Variants in ARHGAP8 observed in about 807,000 individuals in gnomAD.
The protein encoded by ARHGAP8 is Rho GTPase activating protein 8.
A neutral mutation model predicts 46.1 loss-of-function variants in ARHGAP8; 62 were observed. The ratio of observed to expected loss-of-function variants is 1.34; its 90% CI spans 1.10 to 1.66. The LOEUF (loss-of-function observed/expected upper bound fraction) is 1.66. Among genes scored for constraint, ARHGAP8 ranks in the 40% most tolerant of loss-of-function variants. ARHGAP8 has a pLI of 0.00. For synonymous variants in ARHGAP8, 375 were observed against 243.1 expected (o/e 1.54, Z -5.05); for missense variants, 923 against 568.4 (o/e 1.62, Z -6.34).
Position 44,859,585 on chromosome 22 carries a change from GAAGAT to G in ARHGAP8, c.878-142_878-138del. On this transcript the variant is annotated intron_variant, in intron 10 of 11. Transcript: ENST00000356099. The stretch of plus-strand genomic sequence containing the variant: ...TTTGCTGAGCAGAGCCATACGGCCA[GAAGAT>G]AAGTGGGGGTCCCAAGCCCAAATGT... 3.9e-6 allele frequency: 3 copies of G among 775,670 alleles called. No individual in the cohort carries two copies. The East Asian group carries it at 8.1e-5, about 21-fold the overall frequency. 48.0% of individuals were successfully genotyped at this position (775,670 alleles called of 1,614,324 possible). A position where few individuals can be genotyped will look rare whatever the true frequency, so the allele number is the denominator to read the frequency against.
chr22:44,847,657 C>T (rs1032638125), intron 8 of ARHGAP8, among the ~76,000 whole-genome samples: 2 of 152,146 alleles, frequency 1.3e-5, no homozygotes, highest in African/African-American at 4.8e-5. Context: ...AGCTCATGGC[C>T]TTATTCTGTA....
In ARHGAP8 at chr22:44,845,304, C is replaced by A. The variant is rs141993522; in HGVS notation, c.632C>A (p.Pro211His). The A allele has an allele frequency of 7.0e-5, 113 of 1,614,056 alleles. No individual in the cohort carries two copies. Among genetic ancestry groups the A allele is most frequent in the Non-Finnish European group, 9.1e-5 (107 of 1,180,032 alleles). ...KDKNQGELIP[P>H]VLRFTVTYLR... Reference sequence around the variant, plus strand: ...AAAAATCAAGGCGAACTCATCCCCCCTGTGCTGAGGTTCACAGTGACGTAC... The same window carrying A: ...AAAAATCAAGGCGAACTCATCCCCCATGTGCTGAGGTTCACAGTGACGTAC... Residue 211 changes from proline (P) to histidine (H), a missense_variant, in exon 8 of 12, where the codon CCT becomes CAT. Pro to His is a moderately conservative substitution (Grantham distance 77, BLOSUM62 -2). Coordinates refer to ENST00000356099, the MANE Select transcript of ARHGAP8 (RefSeq NM_181335.3).
At chr22:44,796,631 G>T (rs896414350) in intron 2 of ARHGAP8, among the ~76,000 whole-genome samples, 4 of 152,088 alleles carry the variant, frequency 2.6e-5, no homozygotes, top group Admixed American at 6.5e-5. Context: ...CCCCCAGTTG[G>T]TGATGCTATG....
At position 44,764,497 on chromosome 22, in the gene ARHGAP8, C is replaced by A. The variant is rs1229491195; in HGVS notation, c.-72+11870C>A. On this transcript the variant is annotated intron_variant, in intron 1 of 11. Coordinates refer to ENST00000356099, the MANE Select transcript of ARHGAP8 (RefSeq NM_181335.3). ...GTGCGACGGTGGTTCTTCCTGCTCA[C>A]GTTCCTTCATGTGTTTGACATTCCC... Among the ~76,000 whole-genome samples the A allele has an allele frequency of 2.6e-5, 4 of 152,126 alleles. No homozygotes were observed. The East Asian group carries it at 5.8e-4, about 22-fold the overall frequency.
At position 44,859,956 on chromosome 22, in the gene ARHGAP8, A is replaced by G. The variant is rs562307063; in HGVS notation, c.981+122A>G. The G allele has an allele frequency of 6.0e-6, 7 of 1,166,774 alleles. No homozygotes were observed. In the African/African-American group the frequency reaches 6.1e-5, roughly 10 times the overall value. The allele number at this position is 1,166,774 out of a possible 1,614,324, so 72.3% of individuals were successfully genotyped here. ...GGTCATGCCCTGCTTGGGCCTCGGA[A>G]TACCACTCCCTGCCCCCCAAGGACC... On this transcript the variant is annotated intron_variant, in intron 11 of 11. Transcript: ENST00000356099.
chr22:44,861,581 C>G (rs954703709), intron 11 of ARHGAP8, among the ~76,000 whole-genome samples: 2 of 152,210 alleles, frequency 1.3e-5, no homozygotes, highest in African/African-American at 2.4e-5. Flanking sequence ...CTGGTACTCA[C>G]CGCCTCATGA....
chr22:44,856,252 CCCTTTTTTTTTTTTTTT>C (rs2046327312), intron 10 of ARHGAP8, among the ~76,000 whole-genome samples: 1 of 123,624 alleles, frequency 8.1e-6, no homozygotes, highest in African/African-American at 3.5e-5. Flanking sequence ...GCTATAAATT[CCCTTTTTTTTTTTTTTT>C]TTTTTTTTTT....
chr22:44,815,699 C>T (rs1253015762), intron 5 of ARHGAP8, among the ~76,000 whole-genome samples: 2 of 152,158 alleles, frequency 1.3e-5, no homozygotes, highest in Non-Finnish European at 2.9e-5. Context: ...CTTGTTCCTG[C>T]TAAAGGATTT....
intron 9 of ARHGAP8, among the ~76,000 whole-genome samples, chr22:44,848,393 C>T (rs1216319964): frequency 6.6e-6 from 1 of 152,256 alleles, no homozygotes; most frequent in Non-Finnish European, 1.5e-5. Context: ...CCCGAATTGG[C>T]TCAGCACGGC....
intron 10 of ARHGAP8, among the ~76,000 whole-genome samples, chr22:44,854,417 A>G (rs926467848): frequency 6.6e-6 from 1 of 151,580 alleles, no homozygotes; most frequent in Non-Finnish European, 1.5e-5. Context: ...TATTTTTAGT[A>G]GAGACGGGCT....
At chr22:44,794,794 A>C (rs938731134) in intron 2 of ARHGAP8, among the ~76,000 whole-genome samples, 1 of 152,052 alleles carries the variant, frequency 6.6e-6, no homozygotes, top group African/African-American at 2.4e-5. Context: ...AAGGAACCCA[A>C]CTTCTCTGTC....
intron 1 of ARHGAP8, among the ~76,000 whole-genome samples, chr22:44,763,326 A>G (rs1011685872): frequency 2.0e-5 from 3 of 151,762 alleles, no homozygotes; most frequent in African/African-American, 4.8e-5. Context: ...GTGAAACCCC[A>G]TCTCTACTAA....
At chr22:44,786,364 T>G in intron 1 of ARHGAP8, 93 bp from the exon 2 acceptor site, 1 of 1,477,932 alleles carries the variant, frequency 6.8e-7, no homozygotes, top group Admixed American at 2.2e-5. Context: ...GCAGCAGAGG[T>G]GGGTGACTGT....
At position 44,809,535 on chromosome 22, in the gene ARHGAP8, A is replaced by G. The variant is rs1929190059; in HGVS notation, c.299+1097A>G. The G allele has an allele frequency of 1.5e-5, 4 of 273,320 alleles. No individual in the cohort carries two copies. In the South Asian group the frequency reaches 1.5e-4, roughly 10 times the overall value. 16.9% of individuals were successfully genotyped at this position (273,320 alleles called of 1,614,324 possible). A position where few individuals can be genotyped will look rare whatever the true frequency, so the allele number is the denominator to read the frequency against. On this transcript the variant is annotated intron_variant, in intron 4 of 11. Transcript: ENST00000356099. ...GCAGCCTCATTTTACAGATGAGGAC[A>G]TAGGCCCCAGGGAGCAAGTGACTTA...
At chr22:44,809,262 C>A in intron 4 of ARHGAP8, 1 of 438,914 alleles carries the variant, frequency 2.3e-6, no homozygotes, top group Non-Finnish European at 4.8e-6. Context: ...TTTCACGTGT[C>A]ATGAAATATT....
At chr22:44,847,401 GCCAC>G (rs2069984737) in intron 8 of ARHGAP8, among the ~76,000 whole-genome samples, 2 of 152,234 alleles carry the variant, frequency 1.3e-5, no homozygotes, top group South Asian at 4.1e-4. Context: ...CTAAACAGCA[GCCAC>G]CAGCCCCTGT....
intron 5 of ARHGAP8, 47 bp from the exon 6 acceptor site, chr22:44,822,324 C>T: frequency 1.3e-6 from 2 of 1,537,446 alleles, no homozygotes; most frequent in Non-Finnish European, 1.7e-6. Context: ...CTCGGCCTCT[C>T]TGCTGGCGCC....
rs146037996 is a variant in ARHGAP8, at chr22:44,832,521, C to T, written c.596+6928C>T. ...GATTATAGGCATGAGCCACCACACC[C>T]GGTTGTCAATGTAATTTTTAATCTA... On this transcript the variant is annotated intron_variant, in intron 7 of 11. Transcript: ENST00000356099. 3.8e-3 allele frequency among the ~76,000 whole-genome samples: 577 copies of T among 152,146 alleles called. 4 individuals carry two copies. The highest frequency in any genetic ancestry group is 0.013 in the African/African-American group (544 of 41,522).
rs761766653 is a variant in ARHGAP8, at chr22:44,786,619, CTG to C, written c.79+14_79+15del. ...CTGCAGGTGGCAGGTAGGGCCCCAG[CTG>C]GGCAGTCTGCAGGACCATGGGCAGA... On this transcript the variant is annotated intron_variant, in intron 2 of 11. Coordinates refer to ENST00000356099, the MANE Select transcript of ARHGAP8 (RefSeq NM_181335.3). 62 of 1,610,898 alleles carry C rather than the reference CTG, an allele frequency of 3.8e-5. No homozygotes were observed. The highest frequency in any genetic ancestry group is 4.4e-5 in the Non-Finnish European group (52 of 1,178,920).
Sources: gnomAD v4.1 joint callset for allele counts (sites outside exome capture counted in the v4.1 genomes callset) on GRCh38, gnomAD v4.1.1 for gene constraint, MANE v1.5 for transcripts, NCBI Gene and HGNC (gene_info 2026-07-23, HGNC 2026-07-21) for gene names.